RAB11FIP2: variants seen among roughly 807,000 people sequenced by gnomAD.
The protein encoded by RAB11FIP2 is RAB11 family interacting protein 2.
A neutral mutation model predicts 40.9 loss-of-function variants in RAB11FIP2; 16 were observed. The observed-to-expected ratio is 0.39, with a 90% CI of 0.26 to 0.59. The LOEUF is 0.59. Ranked by LOEUF, RAB11FIP2 falls within the 20% of genes least tolerant of loss-of-function variation. The pLI is 0.53. For missense variants in RAB11FIP2, 532 were observed against 606.2 expected, an observed-to-expected ratio of 0.88 and a Z score of 1.28; for synonymous variants, 228 against 213.7, an observed-to-expected ratio of 1.07 and a Z score of -0.58.
At chr10:118,038,850 T>G (rs1408545057) in intron 3 of RAB11FIP2, 122 bp downstream of exon 3, 7 of 737,844 alleles carry the variant, frequency 9.5e-6, no homozygotes, top group Non-Finnish European at 1.5e-5. Flanking sequence ...ATTATACAAA[T>G]AAAAATGTTT....
chr10:118,015,154 G>A, intron 3 of RAB11FIP2, 44 bp from the exon 4 acceptor site: 3 of 1,517,610 alleles, frequency 2.0e-6, no homozygotes, highest in Non-Finnish European at 2.7e-6. Flanking sequence ...TAACTCATGT[G>A]GGAGGAAACA....
rs1259378583 is a variant in RAB11FIP2, at chr10:118,040,456, A to G, written c.463T>C (p.Ser155Pro). 1.9e-6 allele frequency: 3 copies of G among 1,613,204 alleles called. No homozygotes were observed. Among genetic ancestry groups the G allele is most frequent in the African/African-American group, 2.7e-5 (2 of 74,872 alleles). The change falls in exon 2 of 5, where the codon TCA becomes CCA. Residue 155 changes from serine (S) to proline (P), a missense_variant. Physicochemically the swap from Ser to Pro is moderately conservative, Grantham distance 74. Transcript: ENST00000355624. ...NNMTASMFDL[S>P]MKDKTRSPFA... is the part of the protein sequence containing the mutation. ...GGAGATCTGGTTTTGTCCTTCATTG[A>G]TAAGTCAAACATACTTGCGGTCATA...
Position 118,039,335 on chromosome 10 carries a change from T to C in RAB11FIP2, c.902A>G (p.Asn301Ser), listed in dbSNP as rs758876601. Residue 301 changes from asparagine to serine, a missense_variant, in exon 3 of 5, where the codon AAT (asparagine) becomes AGT (serine). Asn to Ser is a conservative substitution (Grantham distance 46). Transcript: ENST00000355624. ...DEGELCFGRQ[N>S]DPFTNVTASL... is the part of the protein sequence containing the mutation. ...AGCAGTCACATTTGTAAATGGGTCA[T>C]TTTGTCTTCCGAAACACAATTCACC... The C allele has an allele frequency of 3.1e-6, 5 of 1,613,698 alleles. No individual in the cohort carries two copies. The East Asian group carries it at 1.1e-4, about 36-fold the overall frequency.
chr10:118,022,209 G>A (rs1846290242), intron 3 of RAB11FIP2, among the ~76,000 whole-genome samples: 1 of 152,126 alleles, frequency 6.6e-6, no homozygotes, highest in Non-Finnish European at 1.5e-5. Context: ...CTCTGCCACA[G>A]AACTCTCATC....
chr10:118,013,616 G>A (rs1846181959), intron 4 of RAB11FIP2, among the ~76,000 whole-genome samples: 1 of 152,014 alleles, frequency 6.6e-6, no homozygotes, highest in African/African-American at 2.4e-5. Context: ...ACGAAGATGC[G>A]CTTCCTCCTC....
intron 4 of RAB11FIP2, among the ~76,000 whole-genome samples, chr10:118,014,480 A>G (rs1846192770): frequency 6.6e-6 from 1 of 152,192 alleles, no homozygotes; most frequent in Non-Finnish European, 1.5e-5. Flanking sequence ...ATACTACAAT[A>G]AAGTTCAGAT....
At position 118,040,583 on chromosome 10, in the gene RAB11FIP2, A is replaced by G. The variant is rs1404030924; in HGVS notation, c.354-18T>C. 2.6e-6 allele frequency: 4 copies of G among 1,536,604 alleles called. No homozygotes were observed. The South Asian group carries it at 4.9e-5, about 19-fold the overall frequency. ...TAAACCACCTTAAAGAGAAGAAAAA[A>G]AAATTGGCTGTAACACATAATAGAG... On this transcript the variant is annotated intron_variant, in intron 1 of 4. Transcript: ENST00000355624.
At chr10:118,030,714 A>G (rs1291661911) in intron 3 of RAB11FIP2, among the ~76,000 whole-genome samples, 1 of 151,782 alleles carries the variant, frequency 6.6e-6, no homozygotes, top group Admixed American at 6.6e-5. Context: ...AAAAACCAGC[A>G]AAGTTTGTCT....
At position 118,007,514 on chromosome 10, in the gene RAB11FIP2, T is replaced by C. The variant is rs541951643; in HGVS notation, c.*1484A>G. Reference sequence around the variant, plus strand: ...ACTTTCAATGGAGTCTTAACAGAGATAAGTATTAGAAAAAAATGCAATTCA... The same window carrying C: ...ACTTTCAATGGAGTCTTAACAGAGACAAGTATTAGAAAAAAATGCAATTCA... On this transcript the variant is annotated 3_prime_UTR_variant, in exon 5 of 5. Coordinates refer to ENST00000355624, the MANE Select transcript of RAB11FIP2 (RefSeq NM_014904.3). 6.6e-6 allele frequency: 1 copy of C among 151,452 alleles called. No individual in the cohort carries two copies. Among genetic ancestry groups the C allele is most frequent in the East Asian group, 1.9e-4 (1 of 5,144 alleles). The allele number at this position is 151,452 out of a possible 1,614,324, so 9.4% of individuals were successfully genotyped here.
At chr10:118,027,092 T>C (rs79243557) in intron 3 of RAB11FIP2, among the ~76,000 whole-genome samples, 7,363 of 152,270 alleles carry the variant, frequency 0.048, 573 homozygotes, top group African/African-American at 0.17. Context: ...TATATTAAGA[T>C]CCTAGCAAGG....
At position 118,015,163 on chromosome 10, in the gene RAB11FIP2, C is replaced by A. The variant is rs1773100043; in HGVS notation, c.1266-53G>T. ...GTGTCATAACTCATGTGGGAGGAAA[C>A]ATAAAAATAGAAAAATTTTAACCAA... On this transcript the variant is annotated intron_variant, in intron 3 of 4. Coordinates refer to ENST00000355624, the MANE Select transcript of RAB11FIP2 (RefSeq NM_014904.3). 20 of 1,473,612 alleles carry A rather than the reference C, an allele frequency of 1.4e-5. No individual in the cohort carries two copies. The South Asian group carries it at 2.3e-4, about 17-fold the overall frequency. The allele number at this position is 1,473,612 out of a possible 1,614,324, so 91.3% of individuals were successfully genotyped here.
In RAB11FIP2 at chr10:118,006,064, C is replaced by T. The variant is rs1846087449; in HGVS notation, c.*2934G>A. On this transcript the variant is annotated 3_prime_UTR_variant, in exon 5 of 5. Transcript: ENST00000355624. Reference sequence around the variant, plus strand: ...AAACTAGGCTCAATGCAGAACATAGCAGCAAAAAGCAATACTTAAAAACGT... The same window carrying T: ...AAACTAGGCTCAATGCAGAACATAGTAGCAAAAAGCAATACTTAAAAACGT... 1.3e-5 allele frequency: 2 copies of T among 152,486 alleles called. No homozygotes were observed. The highest frequency in any genetic ancestry group is 2.9e-5 in the Non-Finnish European group (2 of 67,996). The allele number at this position is 152,486 out of a possible 1,614,324, so 9.4% of individuals were successfully genotyped here. A position where few individuals can be genotyped will look rare whatever the true frequency, so the allele number is the denominator to read the frequency against.
In RAB11FIP2 at chr10:118,039,064, T is replaced by C. The variant is rs200508355; in HGVS notation, c.1173A>G (p.Ala391=). ...DSPCDLKSPN[A]FSENRQDYFD... ...AATAGTCCTGGCGATTTTCACTAAA[T>C]GCATTAGGTGATTTCAAGTCACAAG... Residue 391 remains alanine (A), a synonymous_variant, in exon 3 of 5, where the codon GCA becomes GCG. Coordinates refer to ENST00000355624, the MANE Select transcript of RAB11FIP2 (RefSeq NM_014904.3). 11 of 1,613,462 alleles carry C rather than the reference T, an allele frequency of 6.8e-6. No individual in the cohort carries two copies. The East Asian group carries it at 1.8e-4, about 26-fold the overall frequency.
In RAB11FIP2 at chr10:118,005,498, A is replaced by T. The variant is rs1051416863; in HGVS notation, c.*3500T>A. 4 of 152,672 alleles carry T rather than the reference A, an allele frequency of 2.6e-5. No individual in the cohort carries two copies. Among genetic ancestry groups the T allele is most frequent in the Admixed American group, 6.5e-5 (1 of 15,280 alleles). The allele number at this position is 152,672 out of a possible 1,614,324, so 9.5% of individuals were successfully genotyped here. ...CATGTGTGCTGACAGACCCTTCTAC[A>T]TACCATCATGGCCCAGCAGCACTGT... On this transcript the variant is annotated 3_prime_UTR_variant, in exon 5 of 5. Transcript: ENST00000355624.
chr10:118,034,033 A>C, intron 3 of RAB11FIP2: 1 of 701,886 alleles, frequency 1.4e-6, no homozygotes, highest in South Asian at 1.5e-5. Flanking sequence ...AGGGGTCAGC[A>C]AAGTATTTCT....
chr10:118,041,538 T>C (rs1846558863), intron 1 of RAB11FIP2, among the ~76,000 whole-genome samples: 1 of 152,178 alleles, frequency 6.6e-6, no homozygotes, highest in African/African-American at 2.4e-5. Flanking sequence ...AAAGAGTTTC[T>C]ACAATGTTTT....
intron 3 of RAB11FIP2, among the ~76,000 whole-genome samples, chr10:118,036,299 C>T (rs1024598241): frequency 6.6e-5 from 10 of 151,906 alleles, no homozygotes; most frequent in Non-Finnish European, 1.3e-4. Context: ...CACAAGAGTC[C>T]AGGAAACTGT....
In RAB11FIP2 at chr10:118,046,887, G is replaced by A. The variant is rs7900861; in HGVS notation, c.-724C>T. 0.013 allele frequency: 2,068 copies of A among 153,436 alleles called. 36 individuals are homozygous for A. Among genetic ancestry groups the A allele is most frequent in the Middle Eastern group, 0.05 (15 of 300 alleles). 9.5% of individuals were successfully genotyped at this position (153,436 alleles called of 1,614,324 possible). ...GGCCGGCGGCTCCTAACACCGGGCG[G>A]GCGGCTGCGGCGGCACTTCCGGGTT... is the stretch of plus-strand genomic sequence containing the variant. On this transcript the variant is annotated 5_prime_UTR_variant, in exon 1 of 5. Transcript: ENST00000355624.
chr10:118,041,571 TA>T (rs1440948623), intron 1 of RAB11FIP2, among the ~76,000 whole-genome samples: 1 of 152,172 alleles, frequency 6.6e-6, no homozygotes, highest in African/African-American at 2.4e-5. Context: ...CAATGAGGCA[TA>T]ATATCCATTC....
Sources: gnomAD v4.1 joint callset for allele counts (sites outside exome capture counted in the v4.1 genomes callset) on GRCh38, gnomAD v4.1.1 for gene constraint, MANE v1.5 for transcripts, NCBI Gene and HGNC (gene_info 2026-07-23, HGNC 2026-07-21) for gene names.